Variants in CHKA observed in about 807,000 individuals in gnomAD.
The protein encoded by CHKA is choline kinase alpha.
Under a neutral mutation model 60.1 loss-of-function variants are expected in CHKA, and 34 were observed. The ratio of observed to expected loss-of-function variants is 0.57; its 90% CI spans 0.43 to 0.75. The LOEUF is 0.75. Among genes scored for constraint, CHKA ranks in the 30% least tolerant of loss-of-function variants. CHKA has a pLI of 0.00. For missense variants in CHKA, 563 were observed against 561.3 expected, an observed-to-expected ratio of 1.00 and a Z score of -0.03; for synonymous variants, 217 against 223.1, an observed-to-expected ratio of 0.97 and a Z score of 0.24.
At chr11:68,077,658 C>T (rs974625168) in intron 3 of CHKA, among the ~76,000 whole-genome samples, 1 of 152,196 alleles carries the variant, frequency 6.6e-6, no homozygotes, top group African/African-American at 2.4e-5. Flanking sequence ...CCCCTGCCCA[C>T]AACGGGGCTT....
At chr11:68,102,984 A>T (rs11228132) in intron 1 of CHKA, among the ~76,000 whole-genome samples, 98,754 of 151,252 alleles carry the variant, frequency 0.65, 32,381 homozygotes, top group East Asian at 0.79. Context: ...AAAAAAAAAA[A>T]ATATATTTGC....
intron 3 of CHKA, among the ~76,000 whole-genome samples, chr11:68,080,731 T>C (rs1360849376): frequency 1.3e-5 from 2 of 152,264 alleles, no homozygotes; most frequent in East Asian, 1.9e-4. Flanking sequence ...CCCACGTATG[T>C]TGGGCATGTG....
At chr11:68,061,606 G>A (rs1487264223) in intron 11 of CHKA, 5 of 400,200 alleles carry the variant, frequency 1.2e-5, no homozygotes, top group Middle Eastern at 4.2e-4. Context: ...TTACTGTCCC[G>A]TGTCAGAAGG....
In CHKA at chr11:68,053,749, A is replaced by G. The variant is rs1855889182; in HGVS notation, c.*239T>C. 1 of 442,874 alleles carries G rather than the reference A, an allele frequency of 2.3e-6. No individual in the cohort carries two copies. Among genetic ancestry groups the G allele is most frequent in the Admixed American group, 4.0e-5 (1 of 24,738 alleles). The allele number at this position is 442,874 out of a possible 1,614,324, so 27.4% of individuals were successfully genotyped here. ...GATTAAAAGGATTCAGAGATGTTGCACTATTGCACTATATTTCTGCTTCCC... is the reference window on the plus strand; with the variant it reads ...GATTAAAAGGATTCAGAGATGTTGCGCTATTGCACTATATTTCTGCTTCCC... On this transcript the variant is annotated 3_prime_UTR_variant, in exon 12 of 12. Transcript: ENST00000265689.
intron 1 of CHKA, among the ~76,000 whole-genome samples, chr11:68,106,206 T>TAACCCC (rs1473845749): frequency 6.6e-6 from 1 of 152,102 alleles, no homozygotes; most frequent in Non-Finnish European, 1.5e-5. Flanking sequence ...AGGACGGTAT[T>TAACCCC]AACCCCCACC....
intron 2 of CHKA, among the ~76,000 whole-genome samples, chr11:68,091,317 AAG>A (rs147598544): frequency 0.015 from 2,345 of 152,320 alleles, 55 homozygotes; most frequent in African/African-American, 0.05. Context: ...ATTAAAATTA[AAG>A]ACAGTCTATG....
chr11:68,076,673 C>T (rs2134569425), intron 3 of CHKA, among the ~76,000 whole-genome samples: 2 of 152,120 alleles, frequency 1.3e-5, no homozygotes, highest in Non-Finnish European at 2.9e-5. Context: ...ACATCATGTC[C>T]ACTGGGAAGG....
chr11:68,075,123 T>A (rs1163553013), intron 3 of CHKA, among the ~76,000 whole-genome samples: 1 of 152,210 alleles, frequency 6.6e-6, no homozygotes, highest in East Asian at 1.9e-4. Context: ...TCAGTGCTTT[T>A]ATTGCTTCTA....
Position 68,107,432 on chromosome 11 carries a change from T to A in CHKA, c.351-10302A>T, listed in dbSNP as rs548858148. Among the ~76,000 whole-genome samples, 7 of 152,240 alleles carry A rather than the reference T, an allele frequency of 4.6e-5. No individual in the cohort carries two copies. In the South Asian group the frequency reaches 1.2e-3, roughly 27 times the overall value. ...ACTTATAATCTTTTCCTTCCTCTAT[T>A]CAAAATAATTTCTTCCTCCTGATTT... On this transcript the variant is annotated intron_variant, in intron 1 of 11. Coordinates refer to ENST00000265689, the MANE Select transcript of CHKA (RefSeq NM_001277.3).
intron 3 of CHKA, 113 bp from the exon 4 acceptor site, chr11:68,074,943 G>A (rs1372150059): frequency 3.5e-6 from 3 of 868,722 alleles, no homozygotes; most frequent in East Asian, 2.7e-5. Flanking sequence ...TCTTTCACGT[G>A]GGCACTACTG....
intron 4 of CHKA, among the ~76,000 whole-genome samples, chr11:68,074,119 A>G (rs541287954): frequency 6.6e-6 from 1 of 152,354 alleles, no homozygotes; most frequent in African/African-American, 2.4e-5. Context: ...ACTCTAAGAC[A>G]TGGTATACTG....
intron 2 of CHKA, among the ~76,000 whole-genome samples, chr11:68,090,732 T>C (rs576087147): frequency 6.6e-6 from 1 of 152,300 alleles, no homozygotes; most frequent in East Asian, 1.9e-4. Context: ...GCACTAATAT[T>C]AGCCTTCTAT....
At chr11:68,095,633 C>T (rs1458192064) in intron 2 of CHKA, among the ~76,000 whole-genome samples, 4 of 129,974 alleles carry the variant, frequency 3.1e-5, no homozygotes, top group Non-Finnish European at 3.1e-5. Flanking sequence ...GGCGTGAACC[C>T]GGGAGGCAGA....
chr11:68,117,423 T>A lies in CHKA; in HGVS notation c.350+3405A>T, dbSNP rs988976234. On this transcript the variant is annotated intron_variant, in intron 1 of 11. Transcript: ENST00000265689. ...GTTAGGCCGGGCAGGGTGCAGTGGCTAACGCCTGTAATCCCAGCACTTTGG... is the reference window on the plus strand; with the variant it reads ...GTTAGGCCGGGCAGGGTGCAGTGGCAAACGCCTGTAATCCCAGCACTTTGG... 9.2e-5 allele frequency among the ~76,000 whole-genome samples: 14 copies of A among 152,206 alleles called. No homozygotes were observed. In the South Asian group the frequency reaches 1.7e-3, roughly 18 times the overall value.
intron 2 of CHKA, chr11:68,082,396 T>C (rs1186703530): frequency 6.6e-6 from 1 of 152,654 alleles, no homozygotes; most frequent in African/African-American, 2.4e-5. Flanking sequence ...TTAAACTAAG[T>C]CTGCTTAAGC....
intron 4 of CHKA, among the ~76,000 whole-genome samples, chr11:68,073,917 G>A (rs529210969): frequency 6.6e-6 from 1 of 152,306 alleles, no homozygotes; most frequent in East Asian, 1.9e-4. Flanking sequence ...GGGAATATCT[G>A]ATCTATCTAG....
Position 68,121,361 on chromosome 11 carries a change from T to A in CHKA, c.-184A>T. On this transcript the variant is annotated 5_prime_UTR_variant, in exon 1 of 12. Coordinates refer to ENST00000265689, the MANE Select transcript of CHKA (RefSeq NM_001277.3). ...CTGCGGCGACTGTGGAGCGGGGATG[T>A]GCTGCTGGCCGCTGCACTCGCTCCT... 5.2e-6 allele frequency: 1 copy of A among 191,256 alleles called. No individual in the cohort carries two copies. Among genetic ancestry groups the A allele is most frequent in the Non-Finnish European group, 9.2e-6 (1 of 109,088 alleles). The allele number at this position is 191,256 out of a possible 1,614,324, so 11.8% of individuals were successfully genotyped here.
chr11:68,088,540 C>A (rs1233233348), intron 2 of CHKA, among the ~76,000 whole-genome samples: 1 of 151,828 alleles, frequency 6.6e-6, no homozygotes, highest in Non-Finnish European at 1.5e-5. Flanking sequence ...AGAGGTGGGG[C>A]AGGAAAAAGC....
At chr11:68,109,017 G>A (rs974201385) in intron 1 of CHKA, among the ~76,000 whole-genome samples, 1 of 100,854 alleles carries the variant, frequency 9.9e-6, no homozygotes, top group African/African-American at 3.3e-5. Flanking sequence ...TGAAAACTGA[G>A]GGGGGGAAAA....
Sources: gnomAD v4.1 joint callset for allele counts (sites outside exome capture counted in the v4.1 genomes callset) on GRCh38, gnomAD v4.1.1 for gene constraint, MANE v1.5 for transcripts, NCBI Gene and HGNC (gene_info 2026-07-23, HGNC 2026-07-21) for gene names.